TLDC2: variants seen among roughly 807,000 people sequenced by gnomAD.
TLDC2 encodes the protein TLD domain-containing protein 2.
TLDC2 carries 23 observed loss-of-function variants against 27.9 expected under a neutral mutation model. The ratio of observed to expected loss-of-function variants is 0.82; its 90% CI spans 0.59 to 1.17. The LOEUF (loss-of-function observed/expected upper bound fraction) is 1.17, where lower values mean the gene tolerates loss of function less well. TLDC2 is among the 50% of genes most tolerant of loss of function. The pLI, the probability that TLDC2 is intolerant of heterozygous loss-of-function variation, is 0.00. For synonymous variants in TLDC2, 124 were observed against 107.4 expected (o/e 1.16, Z -0.96); for missense variants, 286 against 273.4 (o/e 1.05, Z -0.32).
At chr20:36,887,584 C>T in intron 5 of TLDC2, 56 bp downstream of exon 5, 1 of 1,509,368 alleles carries the variant, frequency 6.6e-7, no homozygotes, top group South Asian at 1.1e-5. Flanking sequence ...GTCCCTTTCC[C>T]TCTGCCGAAC....
intron 2 of TLDC2, among the ~76,000 whole-genome samples, chr20:36,878,397 A>G (rs1370428466): frequency 1.3e-5 from 2 of 152,112 alleles, no homozygotes; most frequent in African/African-American, 4.8e-5. Flanking sequence ...CCTGGCCAAC[A>G]TGGCAAAACC....
chr20:36,891,351 G>A (rs1990069651), intron 6 of TLDC2: 1 of 152,360 alleles, frequency 6.6e-6, no homozygotes, highest in African/African-American at 2.4e-5. Flanking sequence ...CTGCTGGCCT[G>A]TGGTCTGAGT....
At chr20:36,876,369 G>C (rs1411495970) in intron 1 of TLDC2, among the ~76,000 whole-genome samples, 162 bp downstream of exon 1, 1 of 152,182 alleles carries the variant, frequency 6.6e-6, no homozygotes, top group African/African-American at 2.4e-5. Flanking sequence ...ACTGACTCAG[G>C]AACATGGGGT....
intron 4 of TLDC2, among the ~76,000 whole-genome samples, chr20:36,881,810 G>C (rs1989822312): frequency 6.6e-6 from 1 of 152,186 alleles, no homozygotes; most frequent in Admixed American, 6.5e-5. Context: ...CAAAGGCTTG[G>C]AGCAGTGACA....
At chr20:36,888,646 C>A (rs1413571688) in intron 5 of TLDC2, among the ~76,000 whole-genome samples, 3 of 123,618 alleles carry the variant, frequency 2.4e-5, no homozygotes, top group African/African-American at 9.4e-5. Context: ...GTGGAGCTTG[C>A]AGTGAGCCAA....
chr20:36,876,224 C>T lies in TLDC2; in HGVS notation c.33+17C>T, dbSNP rs202204023. 72 of 1,614,114 alleles carry T rather than the reference C, an allele frequency of 4.5e-5. No individual in the cohort carries two copies. In the East Asian group the frequency reaches 1.1e-3, roughly 24 times the overall value. ...ACTCGGCTGGTAAGGGTTCCAACTC[C>T]GTCTGTGGTGCAGGTTGGGAGGTGA... On this transcript the variant is annotated intron_variant, in intron 1 of 6. Transcript: ENST00000217320.
At chr20:36,880,880 T>C (rs1989800826) in intron 4 of TLDC2, 130 bp downstream of exon 4, 1 of 827,256 alleles carries the variant, frequency 1.2e-6, no homozygotes, top group Non-Finnish European at 2.0e-6. Flanking sequence ...CACAGGGGAA[T>C]GAGCAGGGCA....
At position 36,887,548 on chromosome 20, in the gene TLDC2, CG is replaced by C. The variant is rs1568752666; in HGVS notation, c.512+21del. On this transcript the variant is annotated intron_variant, in intron 5 of 6. Coordinates refer to ENST00000217320, the MANE Select transcript of TLDC2 (RefSeq NM_080628.3). ...TGGCAGGTGAGTGTCTCAGTCTTCC[CG>C]AGTCTTGGGGCGGTCTGTGTTCTGG... is the stretch of plus-strand genomic sequence containing the variant. 1.2e-6 allele frequency: 2 copies of C among 1,610,742 alleles called. No individual in the cohort carries two copies. The highest frequency in any genetic ancestry group is 3.3e-5 in the Admixed American group (2 of 59,994).
At chr20:36,885,307 TA>T (rs950616889) in intron 4 of TLDC2, among the ~76,000 whole-genome samples, 4 of 151,820 alleles carry the variant, frequency 2.6e-5, no homozygotes, top group Non-Finnish European at 2.9e-5. Context: ...ATAAGTGCTT[TA>T]AAAAAAAATT....
intron 3 of TLDC2, among the ~76,000 whole-genome samples, chr20:36,880,102 C>CT (rs71186084): frequency 0.78 from 74,650 of 95,530 alleles, 29,257 homozygotes; most frequent in Middle Eastern, 0.87. Context: ...TATATATATA[C>CT]TTTTTTTTTG....
intron 4 of TLDC2, among the ~76,000 whole-genome samples, chr20:36,883,501 C>T (rs1263281536): frequency 6.6e-6 from 1 of 152,114 alleles, no homozygotes; most frequent in Non-Finnish European, 1.5e-5. Flanking sequence ...CACAAAGCCT[C>T]CTCCTCCTGC....
chr20:36,892,878 C>T lies in TLDC2; in HGVS notation c.*34C>T. The T allele has an allele frequency of 1.2e-6, 2 of 1,603,878 alleles. No individual in the cohort carries two copies. Among genetic ancestry groups the T allele is most frequent in the Non-Finnish European group, 1.7e-6 (2 of 1,170,948 alleles). On this transcript the variant is annotated 3_prime_UTR_variant, in exon 7 of 7. Coordinates refer to ENST00000217320, the MANE Select transcript of TLDC2 (RefSeq NM_080628.3). ...AATTTGCAGAATTCTATGATTGAAG[C>T]CTCTAAATGAATTGTGCAGGAGAGG...
chr20:36,877,984 C>T lies in TLDC2; in HGVS notation c.119C>T (p.Ala40Val). The T allele has an allele frequency of 6.2e-7, 1 of 1,614,098 alleles. No individual in the cohort carries two copies. The highest frequency in any genetic ancestry group is 1.3e-5 in the African/African-American group (1 of 75,040). Residue 40 changes from alanine to valine, a missense_variant, in exon 2 of 7, where the codon GCT (alanine) becomes GTT (valine). Coordinates refer to ENST00000217320, the MANE Select transcript of TLDC2 (RefSeq NM_080628.3). ...EEEAAPDPAA[A>V]PEDPTVPQLT... ...GAGGCAGCTCCAGACCCAGCTGCTG[C>T]TCCTGAGGATCCCACGGTGCCCCAG...
At position 36,879,044 on chromosome 20, in the gene TLDC2, A is replaced by G; in HGVS notation, c.193A>G (p.Ser65Gly). ...TCACCTCCAACCCTGTCCCCAGCTCAGCTTTCACTTCCCACCAAGAGTCAC... is the reference window on the plus strand; with the variant it reads ...TCACCTCCAACCCTGTCCCCAGCTCGGCTTTCACTTCCCACCAAGAGTCAC... ...VLSASEIRQL[S>G]FHFPPRVTGH... The change falls in exon 3 of 7, where the codon AGC becomes GGC. Residue 65 changes from serine to glycine, a missense_variant. By Grantham distance (56) the Ser-to-Gly change is moderately conservative. Coordinates refer to ENST00000217320, the MANE Select transcript of TLDC2 (RefSeq NM_080628.3). 1.2e-6 allele frequency: 2 copies of G among 1,614,172 alleles called. No individual in the cohort carries two copies. Among genetic ancestry groups the G allele is most frequent in the South Asian group, 2.2e-5 (2 of 91,084 alleles).
In TLDC2 at chr20:36,893,467, G is replaced by A; in HGVS notation, c.*623G>A. 3.5e-6 allele frequency: 1 copy of A among 287,024 alleles called. No individual in the cohort carries two copies. The highest frequency in any genetic ancestry group is 6.5e-6 in the Non-Finnish European group (1 of 152,986). The allele number at this position is 287,024 out of a possible 1,614,324, so 17.8% of individuals were successfully genotyped here. ...ATAAAAGGCCCAGGTCTACAAGATG[G>A]CAAAGAAGGGGAGGAAGAACAGTAT... On this transcript the variant is annotated 3_prime_UTR_variant, in exon 7 of 7. Coordinates refer to ENST00000217320, the MANE Select transcript of TLDC2 (RefSeq NM_080628.3).
chr20:36,883,547 T>G (rs1989859528), intron 4 of TLDC2, among the ~76,000 whole-genome samples: 2 of 152,138 alleles, frequency 1.3e-5, no homozygotes, highest in South Asian at 4.1e-4. Context: ...CATCTCCATC[T>G]CCCGCTGCTG....
At chr20:36,883,118 T>C (rs1989849351) in intron 4 of TLDC2, among the ~76,000 whole-genome samples, 1 of 151,874 alleles carries the variant, frequency 6.6e-6, no homozygotes, top group African/African-American at 2.4e-5. Context: ...CATCTCTCCT[T>C]GCATCTCAAA....
At chr20:36,886,195 C>CA (rs1335184342) in intron 4 of TLDC2, among the ~76,000 whole-genome samples, 2 of 152,184 alleles carry the variant, frequency 1.3e-5, no homozygotes, top group East Asian at 3.8e-4. Flanking sequence ...GTGGTGCGAT[C>CA]ATAGCTCACT....
chr20:36,893,444 A>G lies in TLDC2; in HGVS notation c.*600A>G. 1 of 322,730 alleles carries G rather than the reference A, an allele frequency of 3.1e-6. No homozygotes were observed. Among genetic ancestry groups the G allele is most frequent in the Non-Finnish European group, 5.8e-6 (1 of 173,296 alleles). 20.0% of individuals were successfully genotyped at this position (322,730 alleles called of 1,614,324 possible). Reference sequence around the variant, plus strand: ...TCTCTCGCCTGGTCCCCTCTGCAATAAAAGGCCCAGGTCTACAAGATGGCA... The same window carrying G: ...TCTCTCGCCTGGTCCCCTCTGCAATGAAAGGCCCAGGTCTACAAGATGGCA... On this transcript the variant is annotated 3_prime_UTR_variant, in exon 7 of 7. Coordinates refer to ENST00000217320, the MANE Select transcript of TLDC2 (RefSeq NM_080628.3).
Sources: gnomAD v4.1 joint callset for allele counts (sites outside exome capture counted in the v4.1 genomes callset) on GRCh38, gnomAD v4.1.1 for gene constraint, MANE v1.5 for transcripts, NCBI Gene and HGNC (gene_info 2026-07-23, HGNC 2026-07-21) for gene names.